SAXO1: variants seen among roughly 807,000 people sequenced by gnomAD.
SAXO1 encodes the protein stabilizer of axonemal microtubules 1, also known as 4930500O09Rik.
In SAXO1, 21 loss-of-function variants were observed where a neutral mutation model predicts 17.5. That is an observed-to-expected ratio of 1.20 (90% CI 0.85 to 1.72). The LOEUF (loss-of-function observed/expected upper bound fraction) is 1.72, where lower values mean the gene tolerates loss of function less well. Among genes scored for constraint, SAXO1 ranks in the 40% most tolerant of loss-of-function variants. The probability of loss-of-function intolerance (pLI) is 0.00; values close to 1 mark genes in which losing one functional copy is unlikely to be tolerated. For missense variants in SAXO1, 843 were observed against 596.0 expected, an observed-to-expected ratio of 1.41 and a Z score of -4.32; for synonymous variants, 274 against 216.5, an observed-to-expected ratio of 1.27 and a Z score of -2.33.
intron 3 of SAXO1, among the ~76,000 whole-genome samples, chr9:18,930,525 G>A (rs965760305): frequency 1.3e-5 from 2 of 150,878 alleles, no homozygotes; most frequent in African/African-American, 4.9e-5. Context: ...TTGAGATGGA[G>A]TTTCACTCTT....
chr9:18,962,931 C>G (rs10811071), intron 1 of SAXO1, among the ~76,000 whole-genome samples: 60,036 of 152,000 alleles, frequency 0.39, 13,599 homozygotes, highest in Admixed American at 0.5. Flanking sequence ...TATGGTTTTA[C>G]GTCTTACGCT....
At position 18,993,771 on chromosome 9, in the gene SAXO1, T is replaced by C. The variant is rs550948720; in HGVS notation, c.38+39100A>G. Among the ~76,000 whole-genome samples the C allele has an allele frequency of 5.3e-4, 81 of 152,286 alleles. 1 individual carries two copies. The highest frequency in any genetic ancestry group is 1.0e-3 in the Non-Finnish European group (70 of 68,018). On this transcript the variant is annotated intron_variant, in intron 1 of 3. Coordinates refer to ENST00000380534, the MANE Select transcript of SAXO1 (RefSeq NM_153707.4). ...TAGGCTGGGGGGTTCTCATGTAAGC[T>C]ACCATATTACCATATTCAATCCTTA...
At chr9:18,958,502 G>T (rs1303092781) in intron 1 of SAXO1, among the ~76,000 whole-genome samples, 1 of 151,940 alleles carries the variant, frequency 6.6e-6, no homozygotes, top group Non-Finnish European at 1.5e-5. Context: ...CAGAAAGCAG[G>T]GCCAACCCCT....
chr9:18,983,401 G>C (rs1014767850), intron 1 of SAXO1, among the ~76,000 whole-genome samples: 127 of 152,168 alleles, frequency 8.3e-4, no homozygotes, highest in Non-Finnish European at 2.5e-4. Flanking sequence ...CCTCCTGCCA[G>C]ATCCCTCCCT....
intron 1 of SAXO1, among the ~76,000 whole-genome samples, chr9:19,011,309 C>T (rs1284243061): frequency 6.6e-6 from 1 of 152,124 alleles, no homozygotes; most frequent in Non-Finnish European, 1.5e-5. Context: ...CACTTTCTAA[C>T]GAGGGAGGCA....
At chr9:18,960,842 G>A (rs781346375) in intron 1 of SAXO1, among the ~76,000 whole-genome samples, 1 of 152,134 alleles carries the variant, frequency 6.6e-6, no homozygotes, top group African/African-American at 2.4e-5. Context: ...TAATTTATAT[G>A]AATTTCTAGA....
intron 1 of SAXO1, among the ~76,000 whole-genome samples, chr9:19,002,269 A>G (rs1026149769): frequency 2.6e-5 from 4 of 152,196 alleles, no homozygotes; most frequent in Admixed American, 2.6e-4. Context: ...CAACCAAAAA[A>G]AAAGTCCAGG....
At position 19,032,901 on chromosome 9, in the gene SAXO1, G is replaced by C; in HGVS notation, c.8C>G (p.Thr3Arg). The change falls in exon 1 of 4, where the codon ACG (threonine) becomes AGG (arginine). Residue 3 changes from threonine to arginine, a missense_variant. Coordinates refer to ENST00000380534, the MANE Select transcript of SAXO1 (RefSeq NM_153707.4). Reference sequence around the variant, plus strand: ...GGAGCACAGTTCACAGATGCACTTCGTCTTCATAGGGGCGATCCTGAGGCC... The same window carrying C: ...GGAGCACAGTTCACAGATGCACTTCCTCTTCATAGGGGCGATCCTGAGGCC... MK[T>R]KCICELCSCG... The C allele has an allele frequency of 6.2e-7, 1 of 1,610,280 alleles. No individual in the cohort carries two copies. Among genetic ancestry groups the C allele is most frequent in the Non-Finnish European group, 8.5e-7 (1 of 1,179,624 alleles).
intron 1 of SAXO1, among the ~76,000 whole-genome samples, chr9:19,040,934 T>TA (rs1223005494): frequency 1.2e-4 from 18 of 151,338 alleles, no homozygotes; most frequent in Admixed American, 4.6e-4. Context: ...AATAAAGCAT[T>TA]AAAAAAATCT....
In SAXO1 at chr9:18,950,909, T is replaced by TGGTA; in HGVS notation, c.63_66dup (p.Lys23TyrfsTer5). ...GGTTTCTCTGTTTTATCATAAATCTTGGTAGGGAGATGTGGACAGTGATGC... is the reference window on the plus strand; with the variant it reads ...GGTTTCTCTGTTTTATCATAAATCTTGGTAGGTAGGGAGATGTGGACAGTGATGC... On this transcript the variant is annotated frameshift_variant, in exon 2 of 4. Transcript: ENST00000380534. LOFTEE classifies it high-confidence loss of function. The TGGTA allele has an allele frequency of 6.2e-7, 1 of 1,613,028 alleles. No individual in the cohort carries two copies.
chr9:19,038,368 CAAT>C (rs939489723), intron 1 of SAXO1, among the ~76,000 whole-genome samples: 5 of 152,024 alleles, frequency 3.3e-5, no homozygotes, highest in African/African-American at 1.2e-4. Flanking sequence ...AAATGTCCAA[CAAT>C]GATAGACTGG....
At chr9:19,014,856 T>C (rs1235401435) in intron 1 of SAXO1, among the ~76,000 whole-genome samples, 1 of 152,154 alleles carries the variant, frequency 6.6e-6, no homozygotes, top group African/African-American at 2.4e-5. Context: ...GTGTTCCCTC[T>C]TCCTGCCGGG....
chr9:18,937,670 G>T (rs1431526741), intron 3 of SAXO1, among the ~76,000 whole-genome samples: 1 of 152,114 alleles, frequency 6.6e-6, no homozygotes, highest in Admixed American at 6.5e-5. Flanking sequence ...TACAATGACT[G>T]GAGGGAGCTA....
chr9:18,942,340 C>T (rs1209707436), intron 2 of SAXO1, among the ~76,000 whole-genome samples: 3 of 152,164 alleles, frequency 2.0e-5, no homozygotes, highest in Admixed American at 6.5e-5. Context: ...CCTGACTCAC[C>T]CTTGTCTCTC....
chr9:18,999,303 G>C (rs1834145655), intron 1 of SAXO1, among the ~76,000 whole-genome samples: 1 of 152,214 alleles, frequency 6.6e-6, no homozygotes, highest in African/African-American at 2.4e-5. Context: ...CGCCCTGTCT[G>C]GGATGTGAGG....
chr9:18,956,368 T>C (rs1299260066), intron 1 of SAXO1, among the ~76,000 whole-genome samples: 1 of 152,138 alleles, frequency 6.6e-6, no homozygotes, highest in Non-Finnish European at 1.5e-5. Flanking sequence ...TAACGTGACT[T>C]TGGGCTTTTC....
At chr9:18,952,478 T>A (rs1832072473) in intron 1 of SAXO1, among the ~76,000 whole-genome samples, 1 of 152,254 alleles carries the variant, frequency 6.6e-6, no homozygotes, top group African/African-American at 2.4e-5. Context: ...CTGCCACCAC[T>A]GTTGTTACTA....
Position 18,974,482 on chromosome 9 carries a change from A to C in SAXO1, c.39-23545T>G, listed in dbSNP as rs146880516. The stretch of plus-strand genomic sequence containing the variant: ...GTAAAAGGAGGGAGAGCTGTTAGAG[A>C]AAAAGTTTGAGGGTTGAGGTAGAGA... On this transcript the variant is annotated intron_variant, in intron 1 of 3. Transcript: ENST00000380534. Among the ~76,000 whole-genome samples the C allele has an allele frequency of 3.0e-3, 464 of 152,348 alleles. 9 individuals carry two copies. The South Asian group carries it at 0.048, about 16-fold the overall frequency.
chr9:18,996,675 G>A (rs1407644542), intron 1 of SAXO1, among the ~76,000 whole-genome samples: 1 of 151,908 alleles, frequency 6.6e-6, no homozygotes, highest in Non-Finnish European at 1.5e-5. Context: ...CACTAAACTA[G>A]AAATAGAAAC....
Sources: allele counts gnomAD v4.1 joint callset (sites outside exome capture counted in the v4.1 genomes callset), GRCh38; gene constraint gnomAD v4.1.1; transcripts MANE v1.5; gene names NCBI Gene and HGNC (gene_info 2026-07-23, HGNC 2026-07-21).